Variants in MAP3K19 observed in about 807,000 individuals in gnomAD.
MAP3K19 encodes SPS1/STE20-related protein kinase YSK4.
A neutral mutation model predicts 114.4 loss-of-function variants in MAP3K19; 91 were observed. That is an observed-to-expected ratio of 0.80 (90% CI 0.67 to 0.95). The LOEUF (loss-of-function observed/expected upper bound fraction) is 0.95. Among genes scored for constraint, MAP3K19 ranks in the 40% least tolerant of loss-of-function variants. The probability of loss-of-function intolerance (pLI) is 0.00; values close to 1 mark genes in which losing one functional copy is unlikely to be tolerated. For synonymous variants in MAP3K19, 518 were observed against 530.5 expected, an observed-to-expected ratio of 0.98 and a Z score of 0.32; for missense variants, 1,471 against 1,573.2, an observed-to-expected ratio of 0.94 and a Z score of 1.10.
chr2:134,968,731 G>C lies in MAP3K19; in HGVS notation c.3921-3815C>G, dbSNP rs377171468. On this transcript the variant is annotated intron_variant, in intron 12 of 12. Coordinates refer to ENST00000392915, the MANE Select transcript of MAP3K19 (RefSeq NM_025052.5). ...CAGATGGGGCGGCAGGGCAGAGGCG[G>C]TCCCCACATCTCAGACGATGGGCGG... Among the ~76,000 whole-genome samples the C allele has an allele frequency of 4.8e-3, 680 of 142,900 alleles. 12 individuals are homozygous for C. The East Asian group carries it at 0.068, about 14-fold the overall frequency. 93.7% of individuals were successfully genotyped at this position (142,900 alleles called of 152,430 possible).
intron 3 of MAP3K19, among the ~76,000 whole-genome samples, chr2:135,025,318 G>A (rs1042490705): frequency 3.4e-5 from 5 of 148,930 alleles, no homozygotes; most frequent in Admixed American, 2.0e-4. Flanking sequence ...TCTCTTGGAT[G>A]AGTGGAGCAA....
intron 5 of MAP3K19, among the ~76,000 whole-genome samples, chr2:135,016,871 T>C (rs1300514431): frequency 6.6e-6 from 1 of 152,236 alleles, no homozygotes; most frequent in Non-Finnish European, 1.5e-5. Flanking sequence ...GCTTTAAAAG[T>C]TCATAATACT....
At chr2:135,030,783 C>T (rs901972285) in intron 2 of MAP3K19, among the ~76,000 whole-genome samples, 5 of 152,126 alleles carry the variant, frequency 3.3e-5, no homozygotes, top group Admixed American at 3.3e-4. Flanking sequence ...AGGGAGCAGG[C>T]ATGGTTTTGT....
intron 1 of MAP3K19, among the ~76,000 whole-genome samples, chr2:135,044,046 CT>C (rs1688694092): frequency 6.6e-6 from 1 of 152,106 alleles, no homozygotes; most frequent in African/African-American, 2.4e-5. Flanking sequence ...CTTTATCTAC[CT>C]TTGTTCAAAG....
At chr2:134,967,632 C>T (rs899939351) in intron 12 of MAP3K19, among the ~76,000 whole-genome samples, 2 of 152,186 alleles carry the variant, frequency 1.3e-5, no homozygotes, top group East Asian at 1.9e-4. Flanking sequence ...CTTGAACTTC[C>T]TTATGACTTA....
intron 8 of MAP3K19, among the ~76,000 whole-genome samples, chr2:134,995,924 C>G (rs1685951947): frequency 6.6e-6 from 1 of 151,366 alleles, no homozygotes; most frequent in Admixed American, 6.6e-5. Flanking sequence ...AAAGTACACA[C>G]TAGAAGAAAG....
chr2:134,986,648 T>C lies in MAP3K19; in HGVS notation c.2224A>G (p.Lys742Glu), dbSNP rs1685135450. Residue 742 changes from lysine (K) to glutamate (E), a missense_variant, in exon 10 of 13, where the codon AAA becomes GAA. Transcript: ENST00000392915. Reference protein sequence around the residue: ...IKQEHKVLISKEKSSKAVHSN... With the variant: ...IKQEHKVLISEEKSSKAVHSN... The stretch of plus-strand genomic sequence containing the variant: ...TGTACAGCCTTGGAACTCTTTTCTT[T>C]AGAAATTAAGACTTTGTGCTCTTGT... 1.2e-6 allele frequency: 2 copies of C among 1,614,210 alleles called. No individual in the cohort carries two copies. The highest frequency in any genetic ancestry group is 1.3e-5 in the African/African-American group (1 of 75,064).
rs762271388 is a variant in MAP3K19, at chr2:134,964,937, T to G, written c.3921-21A>C. The G allele has an allele frequency of 1.9e-6, 3 of 1,594,732 alleles. No individual in the cohort carries two copies. In the African/African-American group the frequency reaches 4.0e-5, roughly 21 times the overall value. ...GGTCCCTAAGAAGGGAAAAACACAT[T>G]AGAAGCAGCAGCACTCAGTAATGAG... On this transcript the variant is annotated intron_variant, in intron 12 of 12. Coordinates refer to ENST00000392915, the MANE Select transcript of MAP3K19 (RefSeq NM_025052.5).
intron 12 of MAP3K19, 38 bp downstream of exon 12, chr2:134,980,783 G>A (rs777752531): frequency 3.3e-5 from 51 of 1,568,236 alleles, no homozygotes; most frequent in Middle Eastern, 1.7e-4. Flanking sequence ...TGGAATCTCC[G>A]GGCATTTATC....
At chr2:135,009,948 G>A (rs1687104413) in intron 5 of MAP3K19, among the ~76,000 whole-genome samples, 1 of 151,930 alleles carries the variant, frequency 6.6e-6, no homozygotes, top group South Asian at 2.1e-4. Context: ...TTGTACCTGA[G>A]GCCCAGAAAA....
At chr2:135,034,566 G>A (rs1040933696) in intron 2 of MAP3K19, among the ~76,000 whole-genome samples, 1 of 132,124 alleles carries the variant, frequency 7.6e-6, no homozygotes, top group Non-Finnish European at 1.5e-5. Flanking sequence ...GGCACCTCGG[G>A]AGGCCGAGGC....
chr2:134,983,914 A>G (rs1044981764), intron 10 of MAP3K19, 89 bp from the exon 11 acceptor site: 6 of 911,064 alleles, frequency 6.6e-6, no homozygotes, highest in Non-Finnish European at 9.8e-6. Context: ...TTCTTTTCAA[A>G]TGTTCCTGTC....
chr2:135,039,123 CTTT>C (rs61309665), intron 2 of MAP3K19, among the ~76,000 whole-genome samples: 7,019 of 112,410 alleles, frequency 0.062, 231 homozygotes, highest in Admixed American at 0.11. Context: ...AATTTTCTTT[CTTT>C]TTTTTTTTTT....
chr2:135,021,305 A>G (rs914786788), intron 5 of MAP3K19, among the ~76,000 whole-genome samples: 4 of 152,192 alleles, frequency 2.6e-5, no homozygotes, highest in African/African-American at 9.6e-5. Flanking sequence ...AAGTGAGCAT[A>G]TGAGAGGTTG....
At chr2:135,038,903 T>C (rs1349214960) in intron 2 of MAP3K19, among the ~76,000 whole-genome samples, 2 of 151,912 alleles carry the variant, frequency 1.3e-5, no homozygotes, top group East Asian at 3.9e-4. Flanking sequence ...GTGAGTTTGT[T>C]TTTATAATAT....
At chr2:135,023,519 T>C in intron 4 of MAP3K19, 1 of 533,504 alleles carries the variant, frequency 1.9e-6, no homozygotes, top group South Asian at 1.4e-5. Flanking sequence ...AAAGTTCCAA[T>C]GTGCTCCCAT....
chr2:134,990,850 A>AACAC (rs1225128749), intron 9 of MAP3K19, among the ~76,000 whole-genome samples: 10 of 152,152 alleles, frequency 6.6e-5, no homozygotes, highest in African/African-American at 2.2e-4. Flanking sequence ...TATAACACAA[A>AACAC]ATGTGTGTGT....
intron 12 of MAP3K19, among the ~76,000 whole-genome samples, chr2:134,977,269 C>T (rs1245048711): frequency 6.6e-6 from 1 of 151,288 alleles, no homozygotes; most frequent in Non-Finnish European, 1.5e-5. Flanking sequence ...GTGGTCTCAA[C>T]CTTCCAGGCT....
intron 9 of MAP3K19, 109 bp downstream of exon 9, chr2:134,991,428 C>G: frequency 1.1e-6 from 1 of 913,628 alleles, no homozygotes; most frequent in South Asian, 1.3e-5. Context: ...GACCCTACCC[C>G]CTGCATTGTT....
Sources: allele counts gnomAD v4.1 joint callset (sites outside exome capture counted in the v4.1 genomes callset), GRCh38; gene constraint gnomAD v4.1.1; transcripts MANE v1.5; gene names NCBI Gene and HGNC (gene_info 2026-07-23, HGNC 2026-07-21).